UNC13C: variants seen among roughly 807,000 people sequenced by gnomAD.
The protein encoded by UNC13C is protein unc-13 homolog C.
Under a neutral mutation model 245.4 loss-of-function variants are expected in UNC13C, and 174 were observed. That is an observed-to-expected ratio of 0.71 (90% CI 0.63 to 0.80). UNC13C has a LOEUF of 0.80. Among genes scored for constraint, UNC13C ranks in the 30% least tolerant of loss-of-function variants. The pLI, the probability that UNC13C is intolerant of heterozygous loss-of-function variation, is 0.00. For synonymous variants in UNC13C, 992 were observed against 895.1 expected, an observed-to-expected ratio of 1.11 and a Z score of -1.93; for missense variants, 2,829 against 2,602.9, an observed-to-expected ratio of 1.09 and a Z score of -1.89.
At chr15:54,247,330 C>T (rs2140858064) in intron 7 of UNC13C, among the ~76,000 whole-genome samples, 1 of 152,232 alleles carries the variant, frequency 6.6e-6, no homozygotes, top group East Asian at 1.9e-4. Context: ...CTTTTTCCCT[C>T]TTATAGTCTT....
chr15:53,875,624 T>C, the UNC13C span, among the ~76,000 whole-genome samples: 4 of 152,176 alleles, frequency 2.6e-5, no homozygotes, highest in African/African-American at 9.7e-5. Context: ...TATCTGATAG[T>C]GATGTGTAAG....
the UNC13C span, among the ~76,000 whole-genome samples, chr15:53,839,057 T>A: frequency 6.6e-6 from 1 of 152,122 alleles, no homozygotes; most frequent in East Asian, 1.9e-4. Context: ...CTTTTCTGAT[T>A]CCAAATATCG....
intron 20 of UNC13C, among the ~76,000 whole-genome samples, chr15:54,498,272 T>A (rs914913609): frequency 6.6e-6 from 1 of 152,036 alleles, no homozygotes; most frequent in Non-Finnish European, 1.5e-5. Flanking sequence ...TTTACCAAAA[T>A]AGACTGCCTC....
chr15:54,015,705 G>T lies in UNC13C; in HGVS notation c.2802G>T (p.Gly934=). Residue 934 remains glycine (G), a synonymous_variant, in exon 2 of 33, where the codon GGG becomes GGT. Coordinates refer to ENST00000260323, the MANE Select transcript of UNC13C (RefSeq NM_001080534.3). The part of the protein sequence containing the change: ...GPADDMVSEE[G]LEPLNETSAE... ...CAGATGATATGGTTAGTGAAGAGGG[G>T]TTAGAACCCTTAAATGAAACATCAG... 6.2e-7 allele frequency: 1 copy of T among 1,613,654 alleles called. No individual in the cohort carries two copies. The highest frequency in any genetic ancestry group is 1.7e-4 in the Middle Eastern group (1 of 6,060).
At chr15:54,126,298 CA>C (rs2031033908) in intron 2 of UNC13C, among the ~76,000 whole-genome samples, 1 of 151,712 alleles carries the variant, frequency 6.6e-6, no homozygotes, top group African/African-American at 2.4e-5. Flanking sequence ...ATAGGCCATA[CA>C]AACATTAATC....
chr15:54,070,975 A>G (rs1566990040), intron 2 of UNC13C, among the ~76,000 whole-genome samples: 2 of 152,216 alleles, frequency 1.3e-5, no homozygotes, highest in South Asian at 2.1e-4. Context: ...CAACATCTAT[A>G]GGGCCTGATG....
chr15:53,975,070 A>G (rs1488422785), upstream of UNC13C: 1 of 152,234 alleles, frequency 6.6e-6, no homozygotes, highest in African/African-American at 2.4e-5. Flanking sequence ...GAGTGAGCAA[A>G]CCAGAGTGGG....
At chr15:54,512,008 T>C (rs186198131) in intron 24 of UNC13C, among the ~76,000 whole-genome samples, 178 bp downstream of exon 24, 1 of 152,296 alleles carries the variant, frequency 6.6e-6, no homozygotes, top group East Asian at 1.9e-4. Context: ...CAGAATACTT[T>C]AGTAAATACA....
At chr15:54,362,365 G>A (rs1339118784) in intron 17 of UNC13C, among the ~76,000 whole-genome samples, 1 of 152,192 alleles carries the variant, frequency 6.6e-6, no homozygotes, top group African/African-American at 2.4e-5. Flanking sequence ...CAGCTTGGAG[G>A]AGGGAGCAGC....
intron 24 of UNC13C, among the ~76,000 whole-genome samples, chr15:54,524,143 C>G (rs1202588537): frequency 6.6e-6 from 1 of 152,126 alleles, no homozygotes; most frequent in Non-Finnish European, 1.5e-5. Context: ...TACTTCCCTG[C>G]AACTGGTTTT....
the UNC13C span, among the ~76,000 whole-genome samples, chr15:53,933,052 T>A: frequency 6.6e-6 from 1 of 152,332 alleles, no homozygotes; most frequent in East Asian, 1.9e-4. Context: ...CATAAGTGAC[T>A]AAATCCTGTT....
At chr15:53,979,272 A>G (rs1893828030) in intron 1 of UNC13C, among the ~76,000 whole-genome samples, 1 of 138,946 alleles carries the variant, frequency 7.2e-6, no homozygotes, top group Non-Finnish European at 1.6e-5. Context: ...AGAAAAAAAT[A>G]GAGCTCAACA....
At chr15:53,896,699 C>A in the UNC13C span, among the ~76,000 whole-genome samples, 1 of 152,068 alleles carries the variant, frequency 6.6e-6, no homozygotes, top group South Asian at 2.1e-4. Context: ...CTCAGCCTCC[C>A]TAAAGATGTA....
At chr15:54,411,875 C>G (rs920915793) in intron 18 of UNC13C, among the ~76,000 whole-genome samples, 8 of 152,014 alleles carry the variant, frequency 5.3e-5, no homozygotes, top group African/African-American at 1.7e-4. Flanking sequence ...ATCTATGAAT[C>G]AATTTGAGAA....
At chr15:54,341,949 C>T (rs2038743015) in intron 17 of UNC13C, among the ~76,000 whole-genome samples, 1 of 149,558 alleles carries the variant, frequency 6.7e-6, no homozygotes, top group African/African-American at 2.5e-5. Flanking sequence ...GCACTCCAGC[C>T]TGGGCGACAG....
chr15:54,546,627 G>A, intron 26 of UNC13C, 95 bp from the exon 27 acceptor site: 3 of 646,830 alleles, frequency 4.6e-6, no homozygotes, highest in Non-Finnish European at 7.0e-6. Flanking sequence ...TAATAATTTA[G>A]TAAATGGAAT....
At chr15:54,055,454 T>C (rs186690376) in intron 2 of UNC13C, among the ~76,000 whole-genome samples, 8 of 152,344 alleles carry the variant, frequency 5.3e-5, no homozygotes, top group African/African-American at 1.9e-4. Context: ...ATTCTTTTTA[T>C]ATGCACTGCT....
intron 27 of UNC13C, among the ~76,000 whole-genome samples, chr15:54,547,744 T>C (rs1272229283): frequency 6.6e-6 from 1 of 152,200 alleles, no homozygotes; most frequent in African/African-American, 2.4e-5. Flanking sequence ...ATGCCATGAA[T>C]GTGTGCTTTA....
In UNC13C at chr15:54,343,031, C is replaced by T. The variant is rs962733220; in HGVS notation, c.4713+4542C>T. On this transcript the variant is annotated intron_variant, in intron 17 of 32. Coordinates refer to ENST00000260323, the MANE Select transcript of UNC13C (RefSeq NM_001080534.3). Reference sequence around the variant, plus strand: ...TAATCTCTACTTTCCATCTTCCTCCCATAGGGCTCTTTCAATTCTTTTACA... The same window carrying T: ...TAATCTCTACTTTCCATCTTCCTCCTATAGGGCTCTTTCAATTCTTTTACA... 5.9e-5 allele frequency among the ~76,000 whole-genome samples: 9 copies of T among 152,126 alleles called. No individual in the cohort carries two copies. The South Asian group carries it at 1.4e-3, about 24-fold the overall frequency.
Sources: gnomAD v4.1 joint callset for allele counts (sites outside exome capture counted in the v4.1 genomes callset) on GRCh38, gnomAD v4.1.1 for gene constraint, MANE v1.5 for transcripts, NCBI Gene and HGNC (gene_info 2026-07-23, HGNC 2026-07-21) for gene names.